Variants in CSPG4 observed in about 807,000 individuals in gnomAD.
The protein encoded by CSPG4 is chondroitin sulfate proteoglycan 4.
CSPG4 carries 74 observed loss-of-function variants against 139.3 expected under a neutral mutation model. The observed-to-expected ratio is 0.53, with a 90% CI of 0.44 to 0.64. The LOEUF is 0.64. Ranked by LOEUF, CSPG4 falls within the 30% of genes least tolerant of loss-of-function variation. CSPG4 has a pLI of 0.00. For missense variants in CSPG4, 2,565 were observed against 3,148.3 expected (o/e 0.81, Z 4.43); for synonymous variants, 1,234 against 1,394.2 (o/e 0.89, Z 2.56).
intron 1 of CSPG4, 80 bp downstream of exon 1, chr15:75,712,588 C>G (rs1177097036): frequency 1.8e-5 from 25 of 1,374,412 alleles, no homozygotes; most frequent in South Asian, 1.6e-4. Flanking sequence ...CCACTTCTGG[C>G]TCCTCCTGTC....
chr15:75,707,211 C>T (rs1164669445), intron 1 of CSPG4, among the ~76,000 whole-genome samples: 5 of 152,106 alleles, frequency 3.3e-5, no homozygotes, highest in African/African-American at 1.2e-4. Flanking sequence ...CCTGCCTCAG[C>T]CTCCCAAAGT....
chr15:75,698,743 G>C lies in CSPG4; in HGVS notation c.89-5510C>G, dbSNP rs1472225902. On this transcript the variant is annotated intron_variant, in intron 1 of 9. Coordinates refer to ENST00000308508, the MANE Select transcript of CSPG4 (RefSeq NM_001897.5). This position sits in a 1 kb window ranked among gnomAD's most constrained non-coding sequence, Gnocchi z 4.3. ...GAAGCTGTCTGGTGTGCCTACTCAG[G>C]GGTGAGCCCCTCTCAAACCTCCTCC... Among the ~76,000 whole-genome samples the C allele has an allele frequency of 6.6e-6, 1 of 152,088 alleles. No individual in the cohort carries two copies.
At chr15:75,701,685 T>C (rs980209982) in intron 1 of CSPG4, among the ~76,000 whole-genome samples, 4 of 152,148 alleles carry the variant, frequency 2.6e-5, no homozygotes, top group African/African-American at 7.2e-5. Context: ...CACGTCTCTC[T>C]CACTGGCACC....
In CSPG4 at chr15:75,696,103, G is replaced by C. The variant is rs1031879559; in HGVS notation, c.89-2870C>G. On this transcript the variant is annotated intron_variant, in intron 1 of 9. Coordinates refer to ENST00000308508, the MANE Select transcript of CSPG4 (RefSeq NM_001897.5). The surrounding 1 kb of genome is among the most constrained non-coding windows in gnomAD (Gnocchi z 4.2). ...GACCAAACCTGTAGCAGCCCCATGG[G>C]CTGCCCTCTGAGCCAGGAGAAGGGG... 1.3e-5 allele frequency among the ~76,000 whole-genome samples: 2 copies of C among 152,180 alleles called. No homozygotes were observed. Among genetic ancestry groups the C allele is most frequent in the Non-Finnish European group, 2.9e-5 (2 of 68,020 alleles).
At position 75,688,154 on chromosome 15, in the gene CSPG4, C is replaced by A. The variant is rs1464997188; in HGVS notation, c.2911G>T (p.Val971Phe). The part of the protein sequence containing the change: ...TNEDLLRGRL[V>F]YQHDDSETTE... ...GTCTCGGAGTCATCATGCTGGTAGA[C>A]CAGCCGGCCACGCAACAGGTCTTCA... is the stretch of plus-strand genomic sequence containing the variant. Residue 971 changes from valine (V) to phenylalanine (F), a missense_variant, in exon 3 of 10, where the codon GTC (valine) becomes TTC (phenylalanine). Coordinates refer to ENST00000308508, the MANE Select transcript of CSPG4 (RefSeq NM_001897.5). The A allele has an allele frequency of 2.5e-6, 4 of 1,612,690 alleles. No homozygotes were observed. The Admixed American group carries it at 5.0e-5, about 20-fold the overall frequency.
chr15:75,706,109 G>C (rs1242512607), intron 1 of CSPG4, among the ~76,000 whole-genome samples: 1 of 152,222 alleles, frequency 6.6e-6, no homozygotes, highest in African/African-American at 2.4e-5. Flanking sequence ...GCAGGGAGAA[G>C]CGGGTGTCGT....
In CSPG4 at chr15:75,676,465, G is replaced by A; in HGVS notation, c.6054C>T (p.Ser2018=). Residue 2018 remains serine, a synonymous_variant, in exon 10 of 10, where the codon TCC becomes TCT. Transcript: ENST00000308508. ...GEVVFAFTNF[S]SSHDHFRVLA... ...GGACTCTGAAGTGGTCATGAGAGGA[G>A]GAGAAGTTGGTGAAGGCAAAGACCA... 1.9e-6 allele frequency: 3 copies of A among 1,614,002 alleles called. No individual in the cohort carries two copies. The highest frequency in any genetic ancestry group is 2.5e-6 in the Non-Finnish European group (3 of 1,180,028).
rs1184978735 is a variant in CSPG4, at chr15:75,688,484, C to T, written c.2581G>A (p.Ala861Thr). Residue 861 changes from alanine to threonine, a missense_variant, in exon 3 of 10, where the codon GCC becomes ACC. This residue lies in a region of CSPG4 where 2,316 missense variants were observed against 2,818.2 expected (regional missense o/e 0.82). Coordinates refer to ENST00000308508, the MANE Select transcript of CSPG4 (RefSeq NM_001897.5). ...ACTGCCTCTGAGGCACGTGCTGTGGCCCCATAGGTCACCCGGCCAGCCTGT... is the reference window on the plus strand; with the variant it reads ...ACTGCCTCTGAGGCACGTGCTGTGGTCCCATAGGTCACCCGGCCAGCCTGT... ...DIQAGRVTYG[A>T]TARASEAVED... 1 of 1,613,202 alleles carries T rather than the reference C, an allele frequency of 6.2e-7. No homozygotes were observed. Among genetic ancestry groups the T allele is most frequent in the African/African-American group, 1.3e-5 (1 of 75,044 alleles).
chr15:75,710,681 G>A (rs1253268251), intron 1 of CSPG4, among the ~76,000 whole-genome samples: 2 of 152,150 alleles, frequency 1.3e-5, no homozygotes, highest in Admixed American at 6.5e-5. Context: ...ATTCGGATAC[G>A]GGAGGACGAG....
Position 75,693,041 on chromosome 15 carries a change from C to T in CSPG4, c.252+29G>A, listed in dbSNP as rs945215537. The T allele has an allele frequency of 2.2e-5, 26 of 1,168,690 alleles. 1 individual carries two copies. Among genetic ancestry groups the T allele is most frequent in the South Asian group, 8.6e-5 (6 of 70,144 alleles). 72.4% of individuals were successfully genotyped at this position (1,168,690 alleles called of 1,614,324 possible). A position where few individuals can be genotyped will look rare whatever the true frequency, so the allele number is the denominator to read the frequency against. On this transcript the variant is annotated intron_variant, in intron 2 of 9. Coordinates refer to ENST00000308508, the MANE Select transcript of CSPG4 (RefSeq NM_001897.5). ...AGAGAAGGAATCCCACCCCGAATCC[C>T]GCCCAGATCTCAGGGGGACGTCACT... is the stretch of plus-strand genomic sequence containing the variant.
At position 75,682,392 on chromosome 15, in the gene CSPG4, G is replaced by A; in HGVS notation, c.4851C>T (p.Leu1617=). 6.3e-7 allele frequency: 1 copy of A among 1,596,624 alleles called. No individual in the cohort carries two copies. The highest frequency in any genetic ancestry group is 8.5e-7 in the Non-Finnish European group (1 of 1,179,580). Residue 1617 remains leucine (L), a synonymous_variant, in exon 8 of 10, where the codon CTC becomes CTT. Transcript: ENST00000308508. ...GGCCCCGCACCACACGGTAGAGCAG[G>A]AGCTGGGGGTCAGTGCCTGCGCTGG... ...ASSSAGTDPQ[L]LLYRVVRGPQ... is the part of the protein sequence containing the mutation.
chr15:75,690,189 A>G lies in CSPG4; in HGVS notation c.876T>C (p.Asn292=). The G allele has an allele frequency of 6.2e-7, 1 of 1,613,306 alleles. No homozygotes were observed. The highest frequency in any genetic ancestry group is 8.5e-7 in the Non-Finnish European group (1 of 1,179,888). Residue 292 remains asparagine (N), a synonymous_variant, in exon 3 of 10, where the codon AAT becomes AAC. Coordinates refer to ENST00000308508, the MANE Select transcript of CSPG4 (RefSeq NM_001897.5). ...GQPHEVSVHI[N]AHRLEISVDQ... is the part of the protein sequence containing the mutation. ...CCACGGAGATTTCCAGCCGGTGAGC[A>G]TTGATGTGGACACTGACCTCATGGG...
chr15:75,681,426 T>C (rs1893971856), intron 8 of CSPG4, among the ~76,000 whole-genome samples: 1 of 152,200 alleles, frequency 6.6e-6, no homozygotes, highest in African/African-American at 2.4e-5. Context: ...CAGGAGGTAC[T>C]TGGGGCAGTA....
intron 1 of CSPG4, among the ~76,000 whole-genome samples, chr15:75,699,717 G>A (rs1284962553): frequency 6.6e-6 from 1 of 152,128 alleles, no homozygotes; most frequent in Non-Finnish European, 1.5e-5. Flanking sequence ...GGGCTGGGCC[G>A]GGGGAGGAGG....
At position 75,689,025 on chromosome 15, in the gene CSPG4, G is replaced by A. The variant is rs1894112996; in HGVS notation, c.2040C>T (p.Pro680=). 6.2e-7 allele frequency: 1 copy of A among 1,611,972 alleles called. No individual in the cohort carries two copies. Among genetic ancestry groups the A allele is most frequent in the South Asian group, 1.1e-5 (1 of 91,048 alleles). ...CCACCGACAGGTTGGCGGGCAAGAT[G>A]GGCATGGCAGAGCCTTGGGCCAGTC... The part of the protein sequence containing the change: ...GLRLAQGSAM[P]ILPANLSVET... The change falls in exon 3 of 10, where the codon CCC becomes CCT. Residue 680 remains proline (P), a synonymous_variant. Transcript: ENST00000308508.
intron 1 of CSPG4, among the ~76,000 whole-genome samples, chr15:75,705,330 C>G (rs1894356224): frequency 6.6e-6 from 1 of 152,208 alleles, no homozygotes; most frequent in African/African-American, 2.4e-5. Flanking sequence ...CACACAGACT[C>G]ACGGGGCCAC....
chr15:75,707,176 C>G (rs1894385306), intron 1 of CSPG4, among the ~76,000 whole-genome samples: 2 of 152,002 alleles, frequency 1.3e-5, no homozygotes, highest in South Asian at 4.1e-4. Context: ...AGGCTGGTCT[C>G]GAACTCCTGA....
chr15:75,682,572 T>A, intron 7 of CSPG4, 35 bp downstream of exon 7: 3 of 1,606,942 alleles, frequency 1.9e-6, no homozygotes, highest in Non-Finnish European at 2.6e-6. Context: ...CCCCAGCTCC[T>A]GGCACCCAGG....
Position 75,688,556 on chromosome 15 carries a change from G to A in CSPG4, c.2509C>T (p.Gln837Ter). 1 of 1,613,130 alleles carries A rather than the reference G, an allele frequency of 6.2e-7. No homozygotes were observed. The highest frequency in any genetic ancestry group is 8.5e-7 in the Non-Finnish European group (1 of 1,180,008). Residue 837 changes from glutamine to a stop codon, truncating the protein, a stop_gained, in exon 3 of 10, where the codon CAG becomes TAG. Coordinates refer to ENST00000308508, the MANE Select transcript of CSPG4 (RefSeq NM_001897.5). LOFTEE classifies it high-confidence loss of function. ...QAPRKGNLQL[Q>*]GTRLSDGQGF... Reference sequence around the variant, plus strand: ...TGGCCATCTGACAGCCTTGTGCCCTGTAGTTGAAGGTTGCCTTTCCTGGGA... The same window carrying A: ...TGGCCATCTGACAGCCTTGTGCCCTATAGTTGAAGGTTGCCTTTCCTGGGA...
Sources: allele counts gnomAD v4.1 joint callset (sites outside exome capture counted in the v4.1 genomes callset), GRCh38; gene constraint gnomAD v4.1.1; regional missense constraint gnomAD v4.1.1; non-coding constraint Gnocchi (gnomAD v3.1); transcripts MANE v1.5; gene names NCBI Gene and HGNC (gene_info 2026-07-23, HGNC 2026-07-21).